The following SLX4IP variants were observed in gnomAD, a reference collection of about 807,000 sequenced individuals.
The protein encoded by SLX4IP is SLX4 interacting protein, also known as protein SLX4IP.
Under a neutral mutation model 32.9 loss-of-function variants are expected in SLX4IP, and 34 were observed. The observed-to-expected ratio is 1.03, with a 90% confidence interval of 0.79 to 1.38. The LOEUF (loss-of-function observed/expected upper bound fraction) is 1.38, where lower values mean the gene tolerates loss of function less well. Ranked by LOEUF, SLX4IP falls within the 40% of genes most tolerant of loss-of-function variation. The pLI is 0.00. For synonymous variants in SLX4IP, 172 were observed against 171.7 expected, an observed-to-expected ratio of 1.00 and a Z score of -0.01; for missense variants, 444 against 479.0, an observed-to-expected ratio of 0.93 and a Z score of 0.68.
chr20:10,546,539 G>GA (rs1241693561), intron 2 of SLX4IP, among the ~76,000 whole-genome samples: 7 of 151,820 alleles, frequency 4.6e-5, no homozygotes, highest in East Asian at 3.9e-4. Context: ...TACCTTTGGA[G>GA]AAAAAAAAGA....
chr20:10,536,773 T>A (rs1377037313), intron 2 of SLX4IP, among the ~76,000 whole-genome samples: 1 of 152,186 alleles, frequency 6.6e-6, no homozygotes, highest in Non-Finnish European at 1.5e-5. Context: ...GAAATGAATG[T>A]TTGGTTTAAA....
At chr20:10,536,091 T>G (rs1405028224) in intron 2 of SLX4IP, among the ~76,000 whole-genome samples, 1 of 152,240 alleles carries the variant, frequency 6.6e-6, no homozygotes, top group Non-Finnish European at 1.5e-5. Flanking sequence ...GAATGGCTCT[T>G]ACGGTATCTA....
intron 2 of SLX4IP, among the ~76,000 whole-genome samples, chr20:10,478,169 G>T (rs1675195436): frequency 6.6e-6 from 1 of 152,142 alleles, no homozygotes; most frequent in Non-Finnish European, 1.5e-5. Context: ...AAAGTGCTCG[G>T]ATTACAGGTG....
chr20:10,625,861 C>T lies in SLX4IP; in HGVS notation c.*2482C>T, dbSNP rs1263382780. 6.6e-6 allele frequency: 1 copy of T among 152,080 alleles called. No individual in the cohort carries two copies. Among genetic ancestry groups the T allele is most frequent in the African/African-American group, 2.4e-5 (1 of 41,406 alleles). The allele number at this position is 152,080 out of a possible 1,614,324, so 9.4% of individuals were successfully genotyped here. A position where few individuals can be genotyped will look rare whatever the true frequency, so the allele number is the denominator to read the frequency against. On this transcript the variant is annotated 3_prime_UTR_variant, in exon 8 of 8. Transcript: ENST00000334534. Reference sequence around the variant, plus strand: ...TTGCACATGGCTGAAACACCCCTGGCTCTCTTGTTATTTGAGTGGTTGCAT... The same window carrying T: ...TTGCACATGGCTGAAACACCCCTGGTTCTCTTGTTATTTGAGTGGTTGCAT...
intron 2 of SLX4IP, among the ~76,000 whole-genome samples, chr20:10,492,896 A>AT (rs1222405225): frequency 6.6e-6 from 1 of 151,948 alleles, no homozygotes; most frequent in Non-Finnish European, 1.5e-5. Flanking sequence ...AAATAGACAT[A>AT]TTTTTTATGT....
chr20:10,457,343 G>T (rs1261787980), intron 1 of SLX4IP, among the ~76,000 whole-genome samples: 2 of 151,676 alleles, frequency 1.3e-5, no homozygotes, highest in African/African-American at 2.4e-5. Context: ...TATGATTTTA[G>T]CACTTGGTTT....
chr20:10,485,699 AC>A (rs1186671182), intron 2 of SLX4IP, among the ~76,000 whole-genome samples: 3 of 152,054 alleles, frequency 2.0e-5, no homozygotes, highest in African/African-American at 7.2e-5. Flanking sequence ...CAGGAGCCTT[AC>A]TGATAACATA....
At chr20:10,564,746 GT>G (rs2066371209) in intron 4 of SLX4IP, among the ~76,000 whole-genome samples, 1 of 152,118 alleles carries the variant, frequency 6.6e-6, no homozygotes, top group Admixed American at 6.5e-5. Flanking sequence ...TAGCCTCATT[GT>G]TTTTAAGAGT....
chr20:10,592,834 A>C (rs370961344), intron 4 of SLX4IP, among the ~76,000 whole-genome samples: 5 of 151,894 alleles, frequency 3.3e-5, no homozygotes, highest in South Asian at 2.1e-4. Flanking sequence ...GGGTTTCACC[A>C]TGTGAGCCAG....
intron 2 of SLX4IP, among the ~76,000 whole-genome samples, chr20:10,545,958 G>T (rs1568733453): frequency 6.6e-6 from 1 of 152,152 alleles, no homozygotes; most frequent in Admixed American, 6.5e-5. Context: ...TTTCTTTCAT[G>T]TCAGGATTCT....
intron 1 of SLX4IP, among the ~76,000 whole-genome samples, chr20:10,441,524 C>T (rs1032144977): frequency 6.6e-6 from 1 of 152,054 alleles, no homozygotes; most frequent in Non-Finnish European, 1.5e-5. Flanking sequence ...TCTGTGGGCA[C>T]AGCAGGAAGG....
chr20:10,484,561 A>T (rs1170983584), intron 2 of SLX4IP, among the ~76,000 whole-genome samples: 1 of 152,118 alleles, frequency 6.6e-6, no homozygotes, highest in East Asian at 1.9e-4. Context: ...AGTGATACCA[A>T]AATTGTGAGG....
chr20:10,621,517 A>G, intron 7 of SLX4IP, 103 bp downstream of exon 7: 1 of 974,656 alleles, frequency 1.0e-6, no homozygotes, highest in Non-Finnish European at 1.6e-6. Context: ...CTGAAGCACA[A>G]ACTCCCCTCC....
intron 2 of SLX4IP, among the ~76,000 whole-genome samples, chr20:10,520,671 TTTGAG>T (rs1371126584): frequency 6.6e-6 from 1 of 152,216 alleles, no homozygotes; most frequent in African/African-American, 2.4e-5. Flanking sequence ...TGTGATTCAT[TTTGAG>T]TTAATTTCTG....
At chr20:10,452,288 T>A (rs1354325743) in intron 1 of SLX4IP, among the ~76,000 whole-genome samples, 6 of 151,598 alleles carry the variant, frequency 4.0e-5, no homozygotes, top group Non-Finnish European at 1.5e-5. Context: ...CCCAGCACTT[T>A]GGGAGGCTGA....
At chr20:10,454,421 A>G (rs1024973057) in intron 1 of SLX4IP, among the ~76,000 whole-genome samples, 8 of 41,104 alleles carry the variant, frequency 1.9e-4, no homozygotes, top group African/African-American at 4.3e-4. Context: ...AGGTCTCTGT[A>G]TTTGTATTCC....
At chr20:10,512,780 A>G (rs1237377712) in intron 2 of SLX4IP, among the ~76,000 whole-genome samples, 113 of 6,556 alleles carry the variant, frequency 0.017, no homozygotes, top group Non-Finnish European at 0.036. Flanking sequence ...CACACACTCT[A>G]TATATATATA....
In SLX4IP at chr20:10,464,603, A is replaced by C. The variant is rs376662395; in HGVS notation, c.27+6372A>C. On this transcript the variant is annotated intron_variant, in intron 2 of 7. Transcript: ENST00000334534. ...TTTCACATAGATGCAGCCACTTTTG[A>C]CTGGGTTGAAAAGTACTTGGTTAGA... 8.8e-4 allele frequency among the ~76,000 whole-genome samples: 134 copies of C among 152,294 alleles called. No individual in the cohort carries two copies. The South Asian group carries it at 0.011, about 13-fold the overall frequency.
At chr20:10,495,485 T>C (rs1282009555) in intron 2 of SLX4IP, among the ~76,000 whole-genome samples, 1 of 152,158 alleles carries the variant, frequency 6.6e-6, no homozygotes, top group Non-Finnish European at 1.5e-5. Context: ...ATTTATTAAA[T>C]GTAAGATTCT....
Sources: gnomAD v4.1 joint callset for allele counts (sites outside exome capture counted in the v4.1 genomes callset) on GRCh38, gnomAD v4.1.1 for gene constraint, MANE v1.5 for transcripts, NCBI Gene and HGNC (gene_info 2026-07-23, HGNC 2026-07-21) for gene names.